STK24: variants seen among roughly 807,000 people sequenced by gnomAD.
The protein encoded by STK24 is serine/threonine-protein kinase 24.
Under a neutral mutation model 55.6 loss-of-function variants are expected in STK24, and 21 were observed. The ratio of observed to expected loss-of-function variants is 0.38; its 90% CI spans 0.27 to 0.54. STK24 has a LOEUF of 0.54. STK24 is among the 20% of genes least tolerant of loss of function. The pLI, the probability that STK24 is intolerant of heterozygous loss-of-function variation, is 0.79. For missense variants in STK24, 383 were observed against 538.4 expected (o/e 0.71, Z 2.86); for synonymous variants, 200 against 215.2 (o/e 0.93, Z 0.62).
intron 2 of STK24, among the ~76,000 whole-genome samples, chr13:98,503,303 C>T (rs1420051722): frequency 6.6e-6 from 1 of 152,150 alleles, no homozygotes; most frequent in East Asian, 1.9e-4. Flanking sequence ...AGTCACCAGC[C>T]ATGCCAACAG....
rs201229009 is a variant in STK24, at chr13:98,519,477, T to C, written c.43-4A>G. 138 of 1,612,338 alleles carry C rather than the reference T, an allele frequency of 8.6e-5. No homozygotes were observed. Among genetic ancestry groups the C allele is most frequent in the Middle Eastern group, 1.6e-4 (1 of 6,080 alleles). The stretch of plus-strand genomic sequence containing the variant: ...CTTCTGGGTCTGCCTTTAGGTTCTG[T>C]AGAGAGAAGGAAGAGAAAAGGGAAA... On this transcript the variant is annotated splice_region_variant and splice_polypyrimidine_tract_variant and intron_variant, in intron 1 of 10. Coordinates refer to ENST00000539966, the MANE Select transcript of STK24 (RefSeq NM_001032296.4).
At chr13:98,513,151 G>A (rs953569866) in intron 2 of STK24, among the ~76,000 whole-genome samples, 16 of 152,166 alleles carry the variant, frequency 1.1e-4, no homozygotes, top group Non-Finnish European at 2.1e-4. Flanking sequence ...ACACTGCCCC[G>A]AGTATGGACA....
At chr13:98,551,470 C>T (rs1382591900) in intron 1 of STK24, among the ~76,000 whole-genome samples, 2 of 150,546 alleles carry the variant, frequency 1.3e-5, no homozygotes, top group Non-Finnish European at 3.0e-5. Context: ...TTTCTTAGCA[C>T]CTTTATCCTA....
At chr13:98,519,696 C>T (rs1191474429) in intron 1 of STK24, among the ~76,000 whole-genome samples, 7 of 152,164 alleles carry the variant, frequency 4.6e-5, no homozygotes, top group African/African-American at 7.2e-5. Context: ...AGGCAGCAAG[C>T]GTACAATAAG....
chr13:98,548,546 G>A (rs533642837), intron 1 of STK24, among the ~76,000 whole-genome samples: 6 of 152,190 alleles, frequency 3.9e-5, no homozygotes, highest in East Asian at 3.9e-4. Context: ...ATTCTCCCTC[G>A]TGTCACATCT....
chr13:98,453,241 CAT>C, intron 10 of STK24, 32 bp from the exon 11 acceptor site: 7 of 1,606,190 alleles, frequency 4.4e-6, no homozygotes, highest in East Asian at 4.5e-5. Flanking sequence ...GAAGTCAACA[CAT>C]GTCATTTCTC....
At chr13:98,561,659 G>C (rs1305109293) in intron 1 of STK24, among the ~76,000 whole-genome samples, 2 of 151,960 alleles carry the variant, frequency 1.3e-5, no homozygotes, top group Admixed American at 6.6e-5. Flanking sequence ...TGTATCTCTG[G>C]CTGGTACTCC....
chr13:98,474,266 G>C (rs1424751521), intron 5 of STK24, among the ~76,000 whole-genome samples: 1 of 152,176 alleles, frequency 6.6e-6, no homozygotes, highest in African/African-American at 2.4e-5. Context: ...ATCACATGTT[G>C]ACAAGGACAG....
At chr13:98,529,205 C>G (rs942656473) in intron 1 of STK24, among the ~76,000 whole-genome samples, 4 of 152,106 alleles carry the variant, frequency 2.6e-5, no homozygotes, top group Admixed American at 1.3e-4. Flanking sequence ...TCATCGTTAA[C>G]AGTGTTGCTA....
Position 98,529,159 on chromosome 13 carries a change from G to A in STK24, c.43-9686C>T, listed in dbSNP as rs117825463. On this transcript the variant is annotated intron_variant, in intron 1 of 10. Transcript: ENST00000539966. ...CATTCCAGCTCACCCTTCCATACCCGCCGTCTCCCTCTCCCCAGGCCCCCC... is the reference window on the plus strand; with the variant it reads ...CATTCCAGCTCACCCTTCCATACCCACCGTCTCCCTCTCCCCAGGCCCCCC... Among the ~76,000 whole-genome samples the A allele has an allele frequency of 1.1e-4, 16 of 152,040 alleles. No homozygotes were observed. In the East Asian group the frequency reaches 2.9e-3, roughly 28 times the overall value.
chr13:98,450,652 C>T lies in STK24; in HGVS notation c.*2521G>A, dbSNP rs933116288. On this transcript the variant is annotated 3_prime_UTR_variant, in exon 11 of 11. Transcript: ENST00000539966. ...GGCTGCAGGCTCTGGGCAGCTGAGC[C>T]AGGAGCAGCTCAGGGCTGGCACTGA... 1 of 152,224 alleles carries T rather than the reference C, an allele frequency of 6.6e-6. No homozygotes were observed. The highest frequency in any genetic ancestry group is 1.5e-5 in the Non-Finnish European group (1 of 68,060). 9.4% of individuals were successfully genotyped at this position (152,224 alleles called of 1,614,324 possible).
intron 1 of STK24, among the ~76,000 whole-genome samples, chr13:98,555,167 C>T (rs368031817): frequency 2.6e-5 from 4 of 152,242 alleles, no homozygotes. Context: ...ATAATCATGA[C>T]CTGCTCTTTA....
At chr13:98,574,101 TC>T (rs1266552463) in intron 1 of STK24, among the ~76,000 whole-genome samples, 11 of 152,134 alleles carry the variant, frequency 7.2e-5, no homozygotes, top group African/African-American at 2.7e-4. Flanking sequence ...AACCTCCGCC[TC>T]CCGGGTTCAA....
chr13:98,560,192 A>G (rs1897383326), intron 1 of STK24, among the ~76,000 whole-genome samples: 1 of 152,190 alleles, frequency 6.6e-6, no homozygotes, highest in Admixed American at 6.5e-5. Context: ...CCTCCCCTCG[A>G]CGCTCCAGTC....
intron 1 of STK24, among the ~76,000 whole-genome samples, chr13:98,555,566 G>A (rs1312545053): frequency 1.3e-5 from 2 of 151,630 alleles, no homozygotes; most frequent in Admixed American, 1.3e-4. Context: ...GCGACAGAGT[G>A]AGACTCCGTC....
chr13:98,475,547 C>G (rs767484614), intron 3 of STK24, among the ~76,000 whole-genome samples, 189 bp from the exon 4 acceptor site: 14 of 152,100 alleles, frequency 9.2e-5, no homozygotes, highest in African/African-American at 3.4e-4. Context: ...ACAAAGGGCC[C>G]GAGAAAATGG....
At chr13:98,510,689 C>T (rs1895851320) in intron 2 of STK24, among the ~76,000 whole-genome samples, 1 of 152,114 alleles carries the variant, frequency 6.6e-6, no homozygotes, top group Non-Finnish European at 1.5e-5. Context: ...TATAATTACA[C>T]TTATATGAGG....
At chr13:98,557,142 G>T (rs1566403937) in intron 1 of STK24, among the ~76,000 whole-genome samples, 1 of 152,126 alleles carries the variant, frequency 6.6e-6, no homozygotes, top group South Asian at 2.1e-4. Context: ...TGAAGTCTGG[G>T]ATCTGAAACA....
intron 1 of STK24, among the ~76,000 whole-genome samples, chr13:98,573,030 GA>G (rs1834086362): frequency 6.6e-6 from 1 of 152,086 alleles, no homozygotes; most frequent in South Asian, 2.1e-4. Context: ...ACACTCAAAG[GA>G]AATGCTCATT....
Sources: gnomAD v4.1 joint callset for allele counts (sites outside exome capture counted in the v4.1 genomes callset) on GRCh38, gnomAD v4.1.1 for gene constraint, MANE v1.5 for transcripts, NCBI Gene and HGNC (gene_info 2026-07-23, HGNC 2026-07-21) for gene names.